The following NFIC variants were observed in gnomAD, a reference collection of about 807,000 sequenced individuals.
NFIC encodes nuclear factor 1 C-type.
Under a neutral mutation model 54.4 loss-of-function variants are expected in NFIC, and 12 were observed. The ratio of observed to expected loss-of-function variants is 0.22; its 90% CI spans 0.14 to 0.36. The LOEUF (loss-of-function observed/expected upper bound fraction) is 0.36, where lower values mean the gene tolerates loss of function less well. Ranked by LOEUF, NFIC falls within the 10% of genes least tolerant of loss-of-function variation. NFIC has a pLI of 1.00. For missense variants in NFIC, 575 were observed against 718.2 expected (o/e 0.80, Z 2.28); for synonymous variants, 322 against 319.2 (o/e 1.01, Z -0.09).
At chr19:3,435,809 GTCTT>G (rs10567490) in intron 6 of NFIC, among the ~76,000 whole-genome samples, 65,971 of 147,466 alleles carry the variant, frequency 0.45, 15,651 homozygotes, top group East Asian at 0.75. Context: ...TCTCTGGGGT[GTCTT>G]TCTTTCTTTC....
chr19:3,407,022 G>T (rs2081661679), intron 2 of NFIC, among the ~76,000 whole-genome samples: 1 of 152,028 alleles, frequency 6.6e-6, no homozygotes, highest in African/African-American at 2.4e-5. Flanking sequence ...GAGGGGAGGA[G>T]GGGAGGGAGG....
At position 3,425,162 on chromosome 19, in the gene NFIC, A is replaced by G. The variant is rs779407948; in HGVS notation, c.619A>G (p.Lys207Glu). The G allele has an allele frequency of 1.9e-6, 3 of 1,611,930 alleles. No homozygotes were observed. The East Asian group carries it at 6.7e-5, about 36-fold the overall frequency. ...TGMGSDQEDS[K>E]PITLDTTDFQ... ...GATGGGCTCTGACCAGGAGGACAGCAAGCCCATCACGCTGGGTGAGTCTGG... is the reference window on the plus strand; with the variant it reads ...GATGGGCTCTGACCAGGAGGACAGCGAGCCCATCACGCTGGGTGAGTCTGG... The change falls in exon 3 of 11, where the codon AAG becomes GAG. Residue 207 changes from lysine to glutamate, a missense_variant. Around this residue, in one of 3 missense-constraint regions of NFIC, gnomAD observed 447 missense variants for 526.9 expected, o/e 0.85. Coordinates refer to ENST00000443272, the MANE Select transcript of NFIC (RefSeq NM_001245002.2).
At chr19:3,442,480 A>G (rs1387547905) in intron 6 of NFIC, among the ~76,000 whole-genome samples, 1 of 149,472 alleles carries the variant, frequency 6.7e-6, no homozygotes, top group Non-Finnish European at 1.5e-5. Flanking sequence ...TTCCAGATTC[A>G]AGCAATTCTT....
At chr19:3,424,553 T>C (rs1247355632) in intron 2 of NFIC, among the ~76,000 whole-genome samples, 2 of 151,882 alleles carry the variant, frequency 1.3e-5, no homozygotes, top group African/African-American at 2.4e-5. Context: ...GTTTTTGTAC[T>C]TTTAGTAGAG....
intron 2 of NFIC, among the ~76,000 whole-genome samples, chr19:3,408,582 C>T (rs1454629901): frequency 6.6e-6 from 1 of 152,136 alleles, no homozygotes; most frequent in Non-Finnish European, 1.5e-5. Context: ...TCTGGGACCA[C>T]ACATGCAGCA....
At position 3,382,059 on chromosome 19, in the gene NFIC, G is replaced by A; in HGVS notation, c.378G>A (p.Lys126=). The A allele has an allele frequency of 6.2e-7, 1 of 1,613,308 alleles. No individual in the cohort carries two copies. The highest frequency in any genetic ancestry group is 8.5e-7 in the Non-Finnish European group (1 of 1,179,944). The change falls in exon 2 of 11, where the codon AAG becomes AAA. Residue 126 remains lysine, a synonymous_variant. Coordinates refer to ENST00000443272, the MANE Select transcript of NFIC (RefSeq NM_001245002.2). ...RRIDCLRQAD[K]VWRLDLVMVI... The stretch of plus-strand genomic sequence containing the variant: ...TCGACTGTCTCCGGCAGGCGGACAA[G>A]GTGTGGCGGCTGGACCTGGTCATGG...
chr19:3,456,923 A>G, intron 10 of NFIC: 1 of 486,606 alleles, frequency 2.1e-6, no homozygotes, highest in Non-Finnish European at 3.8e-6. Flanking sequence ...GACCAGTGTC[A>G]TTACCACCTG....
At chr19:3,439,086 C>T (rs529338043) in intron 6 of NFIC, among the ~76,000 whole-genome samples, 1 of 151,582 alleles carries the variant, frequency 6.6e-6, no homozygotes, top group Non-Finnish European at 1.5e-5. Flanking sequence ...CCCTCAATTT[C>T]CTCTGCTATA....
At chr19:3,414,547 A>T (rs1415882524) in intron 2 of NFIC, among the ~76,000 whole-genome samples, 2 of 151,958 alleles carry the variant, frequency 1.3e-5, no homozygotes, top group Admixed American at 6.6e-5. Flanking sequence ...GTGAGCCGAG[A>T]TCACGTCACC....
At chr19:3,377,274 C>T (rs1217129765) in intron 1 of NFIC, among the ~76,000 whole-genome samples, 1 of 127,012 alleles carries the variant, frequency 7.9e-6, no homozygotes, top group Non-Finnish European at 1.6e-5. Flanking sequence ...GTAGAGTTTG[C>T]AGTGAGCTGA....
intron 2 of NFIC, among the ~76,000 whole-genome samples, chr19:3,387,432 G>C (rs912704446): frequency 6.6e-6 from 1 of 152,160 alleles, no homozygotes; most frequent in Non-Finnish European, 1.5e-5. Context: ...AACCCGGGAG[G>C]TTGCAGTGAG....
rs979555344 is a variant in NFIC at position 3,370,993 on chromosome 19, C to T, written c.30+4327C>T. ...GCACACTCCCTGACACCCATACGGACGAGGACACAGCTCTGCCTGCCTCGG... is the reference window on the plus strand; with the variant it reads ...GCACACTCCCTGACACCCATACGGATGAGGACACAGCTCTGCCTGCCTCGG... On this transcript the variant is annotated intron_variant, in intron 1 of 10. Transcript: ENST00000443272. This position sits in a 1 kb window ranked among gnomAD's most constrained non-coding sequence, Gnocchi z 5.2. Among the ~76,000 whole-genome samples the T allele has an allele frequency of 1.1e-4, 16 of 152,202 alleles. No individual in the cohort carries two copies. The highest frequency in any genetic ancestry group is 1.9e-4 in the Non-Finnish European group (13 of 68,040).
chr19:3,425,572 G>A (rs1433479548), intron 3 of NFIC, among the ~76,000 whole-genome samples: 1 of 152,156 alleles, frequency 6.6e-6, no homozygotes, highest in Non-Finnish European at 1.5e-5. Flanking sequence ...TGATTCTCCT[G>A]CCTCAGTCTC....
chr19:3,402,350 G>A (rs532300362), intron 2 of NFIC, among the ~76,000 whole-genome samples: 17 of 152,094 alleles, frequency 1.1e-4, no homozygotes, highest in African/African-American at 2.6e-4. Flanking sequence ...GCGCCCAGAC[G>A]GTCCTTCCTT....
chr19:3,387,496 AAAAAAT>A (rs2081315335), intron 2 of NFIC, among the ~76,000 whole-genome samples: 1 of 152,212 alleles, frequency 6.6e-6, no homozygotes, highest in Admixed American at 6.5e-5. Context: ...ACTCTGTCTC[AAAAAAT>A]AAAAATTAAA....
chr19:3,385,437 C>T (rs942158889), intron 2 of NFIC, among the ~76,000 whole-genome samples: 1 of 152,146 alleles, frequency 6.6e-6, no homozygotes, highest in Non-Finnish European at 1.5e-5. Context: ...ACCCACAAGG[C>T]ATCGTGAAGA....
chr19:3,418,786 A>G (rs2081908744), intron 2 of NFIC, among the ~76,000 whole-genome samples: 1 of 152,180 alleles, frequency 6.6e-6, no homozygotes, highest in Non-Finnish European at 1.5e-5. Flanking sequence ...CAAGAGACGG[A>G]AGTTGCAGTG....
Position 3,468,890 on chromosome 19 carries a change from CTCT to C in NFIC, c.*6123_*6125del, listed in dbSNP as rs1325573495. The C allele has an allele frequency of 1.3e-5, 2 of 152,194 alleles. No homozygotes were observed. Among genetic ancestry groups the C allele is most frequent in the Non-Finnish European group, 2.9e-5 (2 of 68,072 alleles). The allele number at this position is 152,194 out of a possible 1,614,324, so 9.4% of individuals were successfully genotyped here. On this transcript the variant is annotated 3_prime_UTR_variant, in exon 11 of 11. Coordinates refer to ENST00000443272, the MANE Select transcript of NFIC (RefSeq NM_001245002.2). ...CCCTCCCCTCCTCCTCCTACTTCTCCTCTTGACAGCGAGGACAGGAGGGGGACA... is the reference window on the plus strand; with the variant it reads ...CCCTCCCCTCCTCCTCCTACTTCTCCTGACAGCGAGGACAGGAGGGGGACA...
chr19:3,434,494 T>C, intron 5 of NFIC, 94 bp downstream of exon 5: 1 of 1,455,030 alleles, frequency 6.9e-7, no homozygotes, highest in South Asian at 1.4e-5. Context: ...CTCCCTGGAA[T>C]ACCTCTTTTC....
Sources: gnomAD v4.1 joint callset for allele counts (sites outside exome capture counted in the v4.1 genomes callset) on GRCh38, gnomAD v4.1.1 for gene constraint, gnomAD v4.1.1 regional missense constraint, Gnocchi (gnomAD v3.1) non-coding constraint, MANE v1.5 for transcripts, NCBI Gene and HGNC (gene_info 2026-07-23, HGNC 2026-07-21) for gene names.